KLHL14: variants seen among roughly 807,000 people sequenced by gnomAD.
The protein encoded by KLHL14 is kelch like family member 14, also known as kelch-like protein 14.
A neutral mutation model predicts 64.3 loss-of-function variants in KLHL14; 22 were observed. The observed-to-expected ratio is 0.34, with a 90% CI of 0.24 to 0.49. The LOEUF (loss-of-function observed/expected upper bound fraction) is 0.49, where lower values mean the gene tolerates loss of function less well. KLHL14 is among the 20% of genes least tolerant of loss of function. KLHL14 has a pLI of 0.99. For missense variants in KLHL14, 661 were observed against 789.0 expected (o/e 0.84, Z 1.94); for synonymous variants, 322 against 333.4 (o/e 0.97, Z 0.37).
At chr18:32,713,536 T>TTG in intron 3 of KLHL14, among the ~76,000 whole-genome samples, 1 of 152,302 alleles carries the variant, frequency 6.6e-6, no homozygotes, top group East Asian at 1.9e-4. Context: ...GGAGAATCCC[T>TTG]TGAGCCCAGG....
chr18:32,725,092 G>GCTCA (rs2050101372), intron 3 of KLHL14, among the ~76,000 whole-genome samples: 1 of 151,772 alleles, frequency 6.6e-6, no homozygotes, highest in African/African-American at 2.4e-5. Flanking sequence ...AGAGATCAGA[G>GCTCA]CTCACTGTAG....
intron 2 of KLHL14, chr18:32,745,295 A>C (rs903461151): frequency 3.3e-5 from 5 of 152,244 alleles, no homozygotes; most frequent in African/African-American, 1.2e-4. Flanking sequence ...ATAAAACTTG[A>C]AGCTCTACTT....
At chr18:32,734,958 A>T (rs1280818708) in intron 3 of KLHL14, among the ~76,000 whole-genome samples, 1 of 152,206 alleles carries the variant, frequency 6.6e-6, no homozygotes, top group Non-Finnish European at 1.5e-5. Context: ...CACAGTTAAA[A>T]TGTCAAAAAG....
At chr18:32,730,161 A>G (rs928591398) in intron 3 of KLHL14, among the ~76,000 whole-genome samples, 1 of 152,252 alleles carries the variant, frequency 6.6e-6, no homozygotes, top group African/African-American at 2.4e-5. Flanking sequence ...AGAGATCAGC[A>G]TGGAGAAGTA....
intron 2 of KLHL14, among the ~76,000 whole-genome samples, chr18:32,759,695 C>CTT (rs2050303629): frequency 1.8e-5 from 2 of 110,112 alleles, no homozygotes; most frequent in African/African-American, 7.0e-5. Flanking sequence ...TGCATTATAA[C>CTT]CTTCTCTCTC....
At chr18:32,769,513 C>T (rs1162935601) in intron 2 of KLHL14, 132 bp downstream of exon 2, 23 of 803,692 alleles carry the variant, frequency 2.9e-5, no homozygotes, top group Non-Finnish European at 4.2e-5. Flanking sequence ...GAATTGTTTG[C>T]GTTTGTTTTC....
chr18:32,678,749 T>A (rs1478992283), intron 7 of KLHL14, among the ~76,000 whole-genome samples: 2 of 152,068 alleles, frequency 1.3e-5, no homozygotes, highest in Non-Finnish European at 2.9e-5. Context: ...AGAAAGTGCA[T>A]AACTAGAATC....
intron 3 of KLHL14, among the ~76,000 whole-genome samples, chr18:32,729,861 C>G (rs1434653322): frequency 6.6e-6 from 1 of 151,956 alleles, no homozygotes; most frequent in Non-Finnish European, 1.5e-5. Flanking sequence ...TAGAAAATGC[C>G]AATAAATAGA....
intron 7 of KLHL14, among the ~76,000 whole-genome samples, chr18:32,679,380 C>T (rs749091088): frequency 2.6e-5 from 4 of 152,052 alleles, no homozygotes; most frequent in South Asian, 2.1e-4. Context: ...TCAATTTCAG[C>T]GATCATAGAC....
chr18:32,695,178 C>T (rs1391776713), intron 4 of KLHL14, among the ~76,000 whole-genome samples: 2 of 152,096 alleles, frequency 1.3e-5, no homozygotes, highest in Admixed American at 6.6e-5. Context: ...AGTTTGTGCT[C>T]ATGCTTGTGG....
At chr18:32,681,144 T>G (rs538165623) in intron 5 of KLHL14, among the ~76,000 whole-genome samples, 2 of 152,284 alleles carry the variant, frequency 1.3e-5, no homozygotes, top group Non-Finnish European at 2.9e-5. Flanking sequence ...AATGTTCAAA[T>G]TTTGCACTTA....
At chr18:32,745,172 G>A (rs1568727) in intron 2 of KLHL14, 151,379 of 152,366 alleles carry the variant, frequency 0.99, 75,210 homozygotes, top group Middle Eastern at 1. Flanking sequence ...TTGCATTGTT[G>A]TATTTACATC....
intron 2 of KLHL14, among the ~76,000 whole-genome samples, chr18:32,752,003 T>A (rs1469051620): frequency 6.6e-6 from 1 of 152,134 alleles, no homozygotes. Flanking sequence ...GGCGTGTGCC[T>A]GTAATCCCAG....
intron 3 of KLHL14, among the ~76,000 whole-genome samples, chr18:32,697,023 C>G (rs377085365): frequency 1.1e-3 from 164 of 152,272 alleles, no homozygotes; most frequent in African/African-American, 3.8e-3. Flanking sequence ...AACCTCCAAT[C>G]TGGGGCATAA....
At position 32,750,699 on chromosome 18, in the gene KLHL14, G is replaced by T. The variant is rs114351249; in HGVS notation, c.948-8650C>A. Reference sequence around the variant, plus strand: ...GTATCCTTGACTCTTCCATTTTCTTGCTATATTCTATAGTTTCTAGAGCTG... The same window carrying T: ...GTATCCTTGACTCTTCCATTTTCTTTCTATATTCTATAGTTTCTAGAGCTG... On this transcript the variant is annotated intron_variant, in intron 2 of 8. Coordinates refer to ENST00000359358, the MANE Select transcript of KLHL14 (RefSeq NM_020805.3). 7.7e-3 allele frequency among the ~76,000 whole-genome samples: 1,169 copies of T among 152,100 alleles called. 5 individuals are homozygous for T. The highest frequency in any genetic ancestry group is 0.011 in the African/African-American group (452 of 41,476).
Position 32,770,568 on chromosome 18 carries a change from G to GGT in KLHL14, c.22_23dup (p.Ser9ProfsTer28). On this transcript the variant is annotated frameshift_variant, in exon 2 of 9. Transcript: ENST00000359358. LOFTEE classifies it high-confidence loss of function. The surrounding 1 kb of genome is among the most constrained non-coding windows in gnomAD (Gnocchi z 6.7). ...CGCTGTGGCTGGGGTCGAAGGTGGA[G>GGT]GTCCTGTCCCCGGATCTGGACATGG... 6.3e-7 allele frequency: 1 copy of GGT among 1,589,536 alleles called. No individual in the cohort carries two copies.
chr18:32,696,732 T>G (rs1344904307), intron 3 of KLHL14, among the ~76,000 whole-genome samples: 1 of 152,252 alleles, frequency 6.6e-6, no homozygotes, highest in African/African-American at 2.4e-5. Context: ...TGACTTATTT[T>G]GGGTGCTATA....
In KLHL14 at chr18:32,680,113, G is replaced by A; in HGVS notation, c.1588+56C>T. ...ATCTAAGGAGAAACCCCCTTAGCGA[G>A]AAATATGAGGTGCAAATGTTATTGT... On this transcript the variant is annotated intron_variant, in intron 7 of 8. Transcript: ENST00000359358. The surrounding 1 kb of genome is among the most constrained non-coding windows in gnomAD (Gnocchi z 4.8). 1 of 1,557,062 alleles carries A rather than the reference G, an allele frequency of 6.4e-7. No individual in the cohort carries two copies. The highest frequency in any genetic ancestry group is 8.8e-7 in the Non-Finnish European group (1 of 1,138,860).
rs183405282 is a variant in KLHL14 at position 32,674,206 on chromosome 18, C to G, written c.*451G>C. 6.5e-6 allele frequency: 1 copy of G among 153,818 alleles called. No homozygotes were observed. The highest frequency in any genetic ancestry group is 2.4e-5 in the African/African-American group (1 of 41,478). The allele number at this position is 153,818 out of a possible 1,614,324, so 9.5% of individuals were successfully genotyped here. ...AGGTTAAGAGTACAGAATCAAGTGG[C>G]AATTTCTGTAATGCAGTGTATTTTG... On this transcript the variant is annotated 3_prime_UTR_variant, in exon 9 of 9. Transcript: ENST00000359358.
Sources: allele counts gnomAD v4.1 joint callset (sites outside exome capture counted in the v4.1 genomes callset), GRCh38; gene constraint gnomAD v4.1.1; non-coding constraint Gnocchi (gnomAD v3.1); transcripts MANE v1.5; gene names NCBI Gene and HGNC (gene_info 2026-07-23, HGNC 2026-07-21).